The following RAD51B variants were observed in gnomAD, a reference collection of about 807,000 sequenced individuals.
RAD51B encodes RAD51 paralog B, also known as DNA repair protein RAD51 homolog 2.
RAD51B carries 38 observed loss-of-function variants against 42.2 expected under a neutral mutation model. That is an observed-to-expected ratio of 0.90 (90% CI 0.70 to 1.18). The LOEUF (loss-of-function observed/expected upper bound fraction) is 1.18, where lower values mean the gene tolerates loss of function less well. RAD51B is among the 50% of genes most tolerant of loss of function. The pLI is 0.00. For synonymous variants in RAD51B, 154 were observed against 145.2 expected, an observed-to-expected ratio of 1.06 and a Z score of -0.43; for missense variants, 373 against 400.7, an observed-to-expected ratio of 0.93 and a Z score of 0.59.
chr14:68,563,455 G>C (rs1455685193), intron 10 of RAD51B: 2 of 985,336 alleles, frequency 2.0e-6, no homozygotes, highest in Non-Finnish European at 2.4e-6. Context: ...CAAGGTAACA[G>C]AGTACACATG....
intron 7 of RAD51B, among the ~76,000 whole-genome samples, chr14:68,057,119 A>G (rs2076489691): frequency 6.6e-6 from 1 of 151,926 alleles, no homozygotes; most frequent in Non-Finnish European, 1.5e-5. Context: ...GAAGAAGGAA[A>G]TATTTATTGG....
chr14:68,338,734 C>A (rs2013413), intron 8 of RAD51B: 2 of 406,542 alleles, frequency 4.9e-6, no homozygotes, highest in Non-Finnish European at 9.5e-6. Flanking sequence ...ACATTTAACC[C>A]AGTTCAGTGG....
chr14:68,417,197 C>T (rs1305468441), intron 9 of RAD51B, among the ~76,000 whole-genome samples: 2 of 152,122 alleles, frequency 1.3e-5, no homozygotes, highest in African/African-American at 4.8e-5. Flanking sequence ...GGCATGGTTC[C>T]AGGTCGCTGT....
intron 7 of RAD51B, among the ~76,000 whole-genome samples, chr14:67,895,868 T>A (rs1354391086): frequency 6.6e-6 from 1 of 152,122 alleles, no homozygotes; most frequent in East Asian, 1.9e-4. Context: ...TCTCTTCCTT[T>A]CTAAATTTTT....
intron 8 of RAD51B, among the ~76,000 whole-genome samples, chr14:68,403,943 T>C (rs2084191405): frequency 6.6e-6 from 1 of 152,206 alleles, no homozygotes; most frequent in Non-Finnish European, 1.5e-5. Flanking sequence ...AGGCCAGAAT[T>C]ATTATTCACA....
chr14:68,182,767 G>A (rs2079079809), intron 7 of RAD51B, among the ~76,000 whole-genome samples: 1 of 152,218 alleles, frequency 6.6e-6, no homozygotes, highest in Non-Finnish European at 1.5e-5. Context: ...TAAGGCATTT[G>A]CAAACATGCC....
At chr14:68,381,518 A>G in intron 8 of RAD51B, among the ~76,000 whole-genome samples, 1 of 152,222 alleles carries the variant, frequency 6.6e-6, no homozygotes, top group Middle Eastern at 3.4e-3. Context: ...TACTAAAAAT[A>G]CAAAAAAATT....
chr14:67,971,210 GT>G (rs941031274), intron 7 of RAD51B, among the ~76,000 whole-genome samples: 1 of 151,636 alleles, frequency 6.6e-6, no homozygotes, highest in Admixed American at 6.6e-5. Context: ...GTTAGGAAAG[GT>G]TTTTTTTCCT....
chr14:68,199,609 T>C (rs1274636), intron 7 of RAD51B, among the ~76,000 whole-genome samples: 152,219 of 152,342 alleles, frequency 1, 76,048 homozygotes, highest in Middle Eastern at 1. Context: ...GAAATGAAAA[T>C]GTGCTGGTTT....
intron 7 of RAD51B, among the ~76,000 whole-genome samples, chr14:68,146,266 G>A (rs901881490): frequency 2.0e-5 from 3 of 152,050 alleles, no homozygotes; most frequent in Admixed American, 6.5e-5. Flanking sequence ...CTTGGGCAAC[G>A]TGGTGAAACC....
chr14:68,606,683 C>A (rs1345022770), intron 10 of RAD51B, among the ~76,000 whole-genome samples: 1 of 152,148 alleles, frequency 6.6e-6, no homozygotes. Context: ...ATCTGTTTAA[C>A]CTTTGGAAGG....
intron 8 of RAD51B, among the ~76,000 whole-genome samples, chr14:68,406,580 T>G (rs4902577): frequency 6.6e-6 from 1 of 152,030 alleles, no homozygotes; most frequent in Non-Finnish European, 1.5e-5. Flanking sequence ...TGAATGAACA[T>G]GAAGGCCTAG....
At chr14:68,554,775 A>G (rs1247470538) in intron 10 of RAD51B, among the ~76,000 whole-genome samples, 4 of 152,134 alleles carry the variant, frequency 2.6e-5, no homozygotes. Context: ...CCATGCCTAG[A>G]AGATGTCCAG....
chr14:68,092,927 C>A (rs1477209341), intron 7 of RAD51B, among the ~76,000 whole-genome samples: 1 of 150,554 alleles, frequency 6.6e-6, no homozygotes. Flanking sequence ...TGAATTTTGT[C>A]AAAGGCTTTT....
chr14:68,005,223 T>G (rs1188640375), intron 7 of RAD51B, among the ~76,000 whole-genome samples: 1 of 151,818 alleles, frequency 6.6e-6, no homozygotes, highest in Non-Finnish European at 1.5e-5. Flanking sequence ...CCAGCTAATT[T>G]TTGTATTTTT....
At chr14:68,609,999 C>T (rs1891612170) in intron 10 of RAD51B, among the ~76,000 whole-genome samples, 1 of 152,058 alleles carries the variant, frequency 6.6e-6, no homozygotes, top group African/African-American at 2.4e-5. Flanking sequence ...TGTCTCTCTC[C>T]TCCGCGTCCA....
chr14:68,474,441 T>C (rs1475716131), intron 10 of RAD51B, among the ~76,000 whole-genome samples: 1 of 152,126 alleles, frequency 6.6e-6, no homozygotes, highest in Non-Finnish European at 1.5e-5. Flanking sequence ...CTCTCTATCT[T>C]AAAAAAATTC....
intron 10 of RAD51B, among the ~76,000 whole-genome samples, chr14:68,637,288 A>G (rs539780884): frequency 6.6e-6 from 1 of 152,324 alleles, no homozygotes; most frequent in Non-Finnish European, 1.5e-5. Context: ...TATGTTGTCC[A>G]GGCTGGTCTT....
rs182161782 is a variant in RAD51B, at chr14:68,361,441, C to T, written c.854-49983C>T. On this transcript the variant is annotated intron_variant, in intron 8 of 10. Transcript: ENST00000471583. Reference sequence around the variant, plus strand: ...TTTTCTGAGGCTGGGGAACTCTTGCCAGGAATTTCAAGAGCCACTGCTTTT... The same window carrying T: ...TTTTCTGAGGCTGGGGAACTCTTGCTAGGAATTTCAAGAGCCACTGCTTTT... 8.1e-3 allele frequency among the ~76,000 whole-genome samples: 1,239 copies of T among 152,242 alleles called. 8 individuals are homozygous for T. The highest frequency in any genetic ancestry group is 0.048 in the Middle Eastern group (14 of 294).
Sources: allele counts gnomAD v4.1 joint callset (sites outside exome capture counted in the v4.1 genomes callset), GRCh38; gene constraint gnomAD v4.1.1; transcripts MANE v1.5; gene names NCBI Gene and HGNC (gene_info 2026-07-23, HGNC 2026-07-21).